Variants in PCDH15 observed in about 807,000 individuals in gnomAD.
PCDH15 encodes the protein protocadherin-15.
PCDH15 carries 129 observed loss-of-function variants against 178.5 expected under a neutral mutation model. That is an observed-to-expected ratio of 0.72 (90% CI 0.63 to 0.84). The LOEUF (loss-of-function observed/expected upper bound fraction) is 0.84, where lower values mean the gene tolerates loss of function less well. Among genes scored for constraint, PCDH15 ranks in the 40% least tolerant of loss-of-function variants. The pLI, the probability that PCDH15 is intolerant of heterozygous loss-of-function variation, is 0.00. For synonymous variants in PCDH15, 800 were observed against 732.0 expected, an observed-to-expected ratio of 1.09 and a Z score of -1.50; for missense variants, 2,230 against 2,099.9, an observed-to-expected ratio of 1.06 and a Z score of -1.21.
chr10:53,847,199 G>A (rs1029099773), intron 28 of PCDH15, among the ~76,000 whole-genome samples: 4 of 152,026 alleles, frequency 2.6e-5, no homozygotes, highest in African/African-American at 9.6e-5. Context: ...TATGAAGCGT[G>A]TCATAAATGT....
chr10:54,015,524 A>T (rs1406766438), intron 20 of PCDH15, among the ~76,000 whole-genome samples: 1 of 152,186 alleles, frequency 6.6e-6, no homozygotes, highest in African/African-American at 2.4e-5. Flanking sequence ...CGGTAACCAA[A>T]ACGGCATTGT....
chr10:53,984,143 C>CTTTTTTT (rs1564928742), intron 21 of PCDH15, among the ~76,000 whole-genome samples: 2 of 43,734 alleles, frequency 4.6e-5, no homozygotes, highest in Non-Finnish European at 1.0e-4. Flanking sequence ...TTTCTTTTTT[C>CTTTTTTT]TTTTCTTTTT....
Position 54,244,852 on chromosome 10 carries a change from A to C in PCDH15, c.877-7921T>G, listed in dbSNP as rs950909768. Among the ~76,000 whole-genome samples the C allele has an allele frequency of 3.3e-5, 5 of 152,220 alleles. No individual in the cohort carries two copies. The East Asian group carries it at 9.6e-4, about 29-fold the overall frequency. ...GAGGAAAGGAAGAAATTGAGCAGAC[A>C]GAGTTTGCTTTACCATGAAGATAAG... On this transcript the variant is annotated intron_variant, in intron 8 of 37. Transcript: ENST00000644397.
intron 3 of PCDH15, among the ~76,000 whole-genome samples, chr10:54,383,619 ATGTGTGTTTTTG>A (rs775665852): frequency 0.064 from 1,538 of 23,850 alleles, 20 homozygotes; most frequent in East Asian, 0.097. Flanking sequence ...CATGCCGTGT[ATGTGTGTTTTTG>A]TGTGTGTGTG....
chr10:54,803,049 T>C (rs1476801121), upstream of PCDH15, among the ~76,000 whole-genome samples: 3 of 152,192 alleles, frequency 2.0e-5, no homozygotes, highest in Non-Finnish European at 2.9e-5. Context: ...AAGGTTAAGT[T>C]TTAACCAGTT....
At chr10:53,837,943 A>G (rs1007844525) in intron 29 of PCDH15, among the ~76,000 whole-genome samples, 8 of 143,908 alleles carry the variant, frequency 5.6e-5, no homozygotes, top group Admixed American at 4.4e-4. Flanking sequence ...CTTTTCTTCA[A>G]TATAAACATA....
intron 2 of PCDH15, among the ~76,000 whole-genome samples, chr10:55,091,875 G>C (rs936358987): frequency 7.2e-5 from 11 of 151,864 alleles, no homozygotes; most frequent in African/African-American, 2.7e-4. Context: ...TTTATTAGCT[G>C]AGAAATGTAT....
chr10:54,561,600 A>G (rs951922580), intron 2 of PCDH15, among the ~76,000 whole-genome samples: 1 of 152,122 alleles, frequency 6.6e-6, no homozygotes. Flanking sequence ...TGGTGGAAGG[A>G]GAAAGGTCTC....
At chr10:54,722,321 C>T (rs1941753581) in intron 1 of PCDH15, among the ~76,000 whole-genome samples, 1 of 147,552 alleles carries the variant, frequency 6.8e-6, no homozygotes, top group South Asian at 2.1e-4. Flanking sequence ...AGGATGTCAA[C>T]TCTTATTCTT....
chr10:55,482,900 G>C (rs539758988), intron 2 of PCDH15, among the ~76,000 whole-genome samples: 2 of 151,808 alleles, frequency 1.3e-5, no homozygotes, highest in Non-Finnish European at 3.0e-5. Flanking sequence ...ATGGATGATA[G>C]CCTTAAATAT....
At chr10:55,516,367 G>A (rs1442861980) in intron 2 of PCDH15, among the ~76,000 whole-genome samples, 1 of 152,146 alleles carries the variant, frequency 6.6e-6, no homozygotes, top group African/African-American at 2.4e-5. Context: ...GTAACTGTGA[G>A]CTCATTAAAC....
chr10:55,053,951 C>G (rs1419056256), intron 2 of PCDH15, among the ~76,000 whole-genome samples: 1 of 152,106 alleles, frequency 6.6e-6, no homozygotes, highest in South Asian at 2.1e-4. Flanking sequence ...AACTAAAAAC[C>G]ATGAGCAGTG....
chr10:54,249,792 C>A (rs1347163016), intron 8 of PCDH15, among the ~76,000 whole-genome samples: 2 of 151,744 alleles, frequency 1.3e-5, no homozygotes. Flanking sequence ...TTCAATCCAT[C>A]AAGAAATTGA....
intron 2 of PCDH15, among the ~76,000 whole-genome samples, chr10:55,150,195 A>C (rs973713389): frequency 6.6e-6 from 1 of 152,074 alleles, no homozygotes; most frequent in Non-Finnish European, 1.5e-5. Flanking sequence ...CCAATCGGCC[A>C]ACCTGAAAAT....
At chr10:54,947,770 C>A (rs1284550065) in intron 2 of PCDH15, among the ~76,000 whole-genome samples, 1 of 151,904 alleles carries the variant, frequency 6.6e-6, no homozygotes, top group Non-Finnish European at 1.5e-5. Flanking sequence ...AGAGTCATCC[C>A]AGAATAAAAT....
chr10:54,191,413 A>G (rs7078920), intron 11 of PCDH15, among the ~76,000 whole-genome samples: 66,442 of 152,074 alleles, frequency 0.44, 17,358 homozygotes, highest in East Asian at 0.94. Flanking sequence ...AACAGATGAA[A>G]GATTTCAAAG....
intron 2 of PCDH15, among the ~76,000 whole-genome samples, chr10:55,087,631 C>T (rs1842206702): frequency 6.6e-6 from 1 of 152,104 alleles, no homozygotes; most frequent in South Asian, 2.1e-4. Context: ...AGAACAGTTA[C>T]AGACTGTTAT....
rs538587299 is a variant in PCDH15, at chr10:54,513,038, T to C, written c.157+14774A>G. On this transcript the variant is annotated intron_variant, in intron 3 of 37. Transcript: ENST00000644397. ...CTAATACCCCTAAAATAAAATATAA[T>C]TTTATAAATTTACCTGGTTATCTGA... 8.5e-5 allele frequency among the ~76,000 whole-genome samples: 13 copies of C among 152,128 alleles called. No homozygotes were observed. The South Asian group carries it at 2.7e-3, about 32-fold the overall frequency.
chr10:55,529,741 GTATATATATATATATATATATATA>G lies in PCDH15; in HGVS notation c.-156+97860_-156+97883del, dbSNP rs56254743. Among the ~76,000 whole-genome samples the G allele has an allele frequency of 3.4e-3, 213 of 62,760 alleles. 4 individuals carry two copies. Among genetic ancestry groups the G allele is most frequent in the Middle Eastern group, 0.016 (1 of 64 alleles). 41.2% of individuals were successfully genotyped at this position (62,760 alleles called of 152,430 possible). A position where few individuals can be genotyped will look rare whatever the true frequency, so the allele number is the denominator to read the frequency against. Reference sequence around the variant, plus strand: ...TATATATATATGTGTTTGTCTGTGAGTATATATATATATATATATATATATATATATATATATTTGATTACCACA... The same window carrying G: ...TATATATATATGTGTTTGTCTGTGAGTATATATATATATTTGATTACCACA... On this transcript the variant is annotated intron_variant, in intron 2 of 5. Coordinates refer to the PCDH15 transcript ENST00000613346.
Sources: allele counts gnomAD v4.1 joint callset (sites outside exome capture counted in the v4.1 genomes callset), GRCh38; gene constraint gnomAD v4.1.1; transcripts MANE v1.5; gene names NCBI Gene and HGNC (gene_info 2026-07-23, HGNC 2026-07-21).